Variants in HECW2 observed in about 807,000 individuals in gnomAD.
HECW2 encodes E3 ubiquitin-protein ligase HECW2.
In HECW2, 61 loss-of-function variants were observed where a neutral mutation model predicts 175.2. That is an observed-to-expected ratio of 0.35 (90% CI 0.28 to 0.43). The LOEUF (loss-of-function observed/expected upper bound fraction) is 0.43, where lower values mean the gene tolerates loss of function less well. Ranked by LOEUF, HECW2 falls within the 20% of genes least tolerant of loss-of-function variation. The probability of loss-of-function intolerance (pLI) is 1.00; values close to 1 mark genes in which losing one functional copy is unlikely to be tolerated. For synonymous variants in HECW2, 671 were observed against 731.0 expected (o/e 0.92, Z 1.32); for missense variants, 1,524 against 2,000.5 (o/e 0.76, Z 4.54).
Position 196,248,227 on chromosome 2 carries a change from T to C in HECW2, c.3529+5693A>G, listed in dbSNP as rs371987866. On this transcript the variant is annotated intron_variant, in intron 19 of 28. Transcript: ENST00000644978. ...ACTTAATGCTCTGACTTCTCAAACC[T>C]TGACAGAGATCTTGGCAGGGAAGTG... 3.2e-4 allele frequency among the ~76,000 whole-genome samples: 49 copies of C among 152,308 alleles called. No homozygotes were observed. In the East Asian group the frequency reaches 8.3e-3, roughly 26 times the overall value.
chr2:196,300,047 A>G (rs1398466231), intron 13 of HECW2, among the ~76,000 whole-genome samples: 4 of 152,180 alleles, frequency 2.6e-5, no homozygotes, highest in Non-Finnish European at 5.9e-5. Flanking sequence ...CAAAGAGAGA[A>G]GTTAGAACTC....
chr2:196,327,241 T>C (rs537030103), intron 5 of HECW2, among the ~76,000 whole-genome samples: 146 of 152,342 alleles, frequency 9.6e-4, no homozygotes, highest in African/African-American at 3.4e-3. Context: ...CACTGTTAGA[T>C]AAGCCTGATA....
intron 1 of HECW2, among the ~76,000 whole-genome samples, chr2:196,526,381 A>G (rs1447359390): frequency 2.8e-5 from 4 of 144,214 alleles, no homozygotes; most frequent in African/African-American, 1.1e-4. Flanking sequence ...ACATTCTTCT[A>G]AATTTTTTTC....
chr2:196,450,489 A>ATTT (rs34937207), intron 1 of HECW2, among the ~76,000 whole-genome samples: 21 of 135,484 alleles, frequency 1.5e-4, no homozygotes, highest in African/African-American at 4.4e-4. Flanking sequence ...CAAATATCAG[A>ATTT]TTTTTTTTTT....
intron 1 of HECW2, among the ~76,000 whole-genome samples, chr2:196,517,772 T>C (rs754514934): frequency 5.3e-5 from 8 of 152,162 alleles, no homozygotes; most frequent in Non-Finnish European, 1.2e-4. Context: ...GGTAAAAACT[T>C]AGGAAAATTG....
rs7569400 is a variant in HECW2, at chr2:196,240,860, A to G, written c.3651-298T>C. Among the ~76,000 whole-genome samples, 939 of 152,198 alleles carry G rather than the reference A, an allele frequency of 6.2e-3. 2 individuals carry two copies. The highest frequency in any genetic ancestry group is 9.7e-3 in the Non-Finnish European group (663 of 68,008). The stretch of plus-strand genomic sequence containing the variant: ...CCCAGAAAAAAAATGATCATAAAAC[A>G]ACACCACACACACCACACACACCGC... On this transcript the variant is annotated intron_variant, in intron 20 of 28. Transcript: ENST00000644978.
Position 196,319,466 on chromosome 2 carries a change from T to G in HECW2, c.1424A>C (p.Asp475Ala), listed in dbSNP as rs147871220. Residue 475 changes from aspartate to alanine, a missense_variant, in exon 9 of 29, where the codon GAC becomes GCC. Asp to Ala is a moderately radical substitution (Grantham distance 126). Around this residue, in one of 11 missense-constraint regions of HECW2, gnomAD observed 604 missense variants for 588.3 expected, o/e 1.03. Transcript: ENST00000644978. ...SDEEDHEFQQ[D>A]LGYPSSLEEE... ...CTCCAAGGAAGATGGGTAACCCAGGTCTTGCTGGAACTCGTGATCTTCTTC... is the reference window on the plus strand; with the variant it reads ...CTCCAAGGAAGATGGGTAACCCAGGGCTTGCTGGAACTCGTGATCTTCTTC... The G allele has an allele frequency of 7.4e-6, 12 of 1,613,950 alleles. No homozygotes were observed. The African/African-American group carries it at 1.5e-4, about 20-fold the overall frequency.
intron 2 of HECW2, among the ~76,000 whole-genome samples, chr2:196,399,129 T>C (rs145265398): frequency 2.1e-3 from 317 of 152,326 alleles, no homozygotes; most frequent in Non-Finnish European, 3.2e-3. Context: ...TTGGGTATGG[T>C]TCTCAGGTTG....
chr2:196,277,235 C>T (rs1689990838), intron 15 of HECW2, among the ~76,000 whole-genome samples: 1 of 152,130 alleles, frequency 6.6e-6, no homozygotes, highest in Non-Finnish European at 1.5e-5. Context: ...TACCATTGGT[C>T]CCTGCAAATC....
At position 196,306,490 on chromosome 2, in the gene HECW2, G is replaced by A. The variant is rs1033374992; in HGVS notation, c.2812C>T (p.Pro938Ser). 3 of 1,608,400 alleles carry A rather than the reference G, an allele frequency of 1.9e-6. No individual in the cohort carries two copies. Among genetic ancestry groups the A allele is most frequent in the Admixed American group, 1.7e-5 (1 of 59,140 alleles). Residue 938 changes from proline to serine, a missense_variant and splice_region_variant, in exon 13 of 29, where the codon CCT becomes TCT. This residue lies in a region of HECW2 where 105 missense variants were observed against 98.1 expected (regional missense o/e 1.07). Coordinates refer to ENST00000644978, the MANE Select transcript of HECW2 (RefSeq NM_001348768.2). ...PEFFTVLHSN[P>S]SAYRMFTNNT... Reference sequence around the variant, plus strand: ...ACTCTTTCAGATTCGCTACTCACAGGGTTAGAATGCAGCACGGTGAAGAAC... The same window carrying A: ...ACTCTTTCAGATTCGCTACTCACAGAGTTAGAATGCAGCACGGTGAAGAAC...
intron 1 of HECW2, among the ~76,000 whole-genome samples, chr2:196,503,504 AG>A (rs1406991716): frequency 6.6e-6 from 1 of 152,158 alleles, no homozygotes; most frequent in Non-Finnish European, 1.5e-5. Flanking sequence ...ACTAGGGACA[AG>A]GGAAAAACAC....
intron 1 of HECW2, among the ~76,000 whole-genome samples, chr2:196,530,244 T>C (rs1688797595): frequency 6.6e-6 from 1 of 152,192 alleles, no homozygotes; most frequent in African/African-American, 2.4e-5. Context: ...TGGTAAATAT[T>C]TGACTTTGCA....
chr2:196,578,667 T>G (rs1430611311), intron 1 of HECW2, among the ~76,000 whole-genome samples: 2 of 152,136 alleles, frequency 1.3e-5, no homozygotes, highest in Non-Finnish European at 1.5e-5. Context: ...TGATTTCTCA[T>G]GAGAAACCAA....
At chr2:196,283,998 T>A (rs1690288953) in intron 14 of HECW2, among the ~76,000 whole-genome samples, 1 of 152,218 alleles carries the variant, frequency 6.6e-6, no homozygotes, top group Admixed American at 6.5e-5. Context: ...TTTCCCCACC[T>A]CTCTGCTTTT....
At chr2:196,507,980 G>C (rs1288117705) in intron 1 of HECW2, among the ~76,000 whole-genome samples, 1 of 152,164 alleles carries the variant, frequency 6.6e-6, no homozygotes, top group African/African-American at 2.4e-5. Flanking sequence ...GGAAGCAGGG[G>C]TCCATTGTTT....
chr2:196,511,815 G>A (rs186959882), intron 1 of HECW2, among the ~76,000 whole-genome samples: 2 of 152,224 alleles, frequency 1.3e-5, no homozygotes, highest in Non-Finnish European at 2.9e-5. Context: ...GACCAGAAGG[G>A]GAGTAAGGGC....
intron 17 of HECW2, among the ~76,000 whole-genome samples, chr2:196,261,975 A>G (rs183924559): frequency 8.6e-5 from 13 of 151,360 alleles, no homozygotes; most frequent in African/African-American, 2.4e-4. Flanking sequence ...ACTGATCATG[A>G]TTAGAGGAAT....
At chr2:196,520,677 C>T (rs1011027303) in intron 1 of HECW2, among the ~76,000 whole-genome samples, 2 of 152,180 alleles carry the variant, frequency 1.3e-5, no homozygotes, top group African/African-American at 4.8e-5. Context: ...TTGTGCAGAA[C>T]CAAAATGTCT....
At chr2:196,450,339 T>C (rs538363280) in intron 1 of HECW2, among the ~76,000 whole-genome samples, 89 of 152,232 alleles carry the variant, frequency 5.8e-4, no homozygotes, top group African/African-American at 1.8e-3. Context: ...ATTGTGGGGT[T>C]ACAGCATTTT....
Sources: gnomAD v4.1 joint callset for allele counts (sites outside exome capture counted in the v4.1 genomes callset) on GRCh38, gnomAD v4.1.1 for gene constraint, gnomAD v4.1.1 regional missense constraint, MANE v1.5 for transcripts, NCBI Gene and HGNC (gene_info 2026-07-23, HGNC 2026-07-21) for gene names.